ENPP1: variants seen among roughly 807,000 people sequenced by gnomAD.
ENPP1 encodes ectonucleotide pyrophosphatase/phosphodiesterase 1.
A neutral mutation model predicts 122.8 loss-of-function variants in ENPP1; 73 were observed. The ratio of observed to expected loss-of-function variants is 0.59; its 90% CI spans 0.49 to 0.72. The LOEUF (loss-of-function observed/expected upper bound fraction) is 0.72, where lower values mean the gene tolerates loss of function less well. Ranked by LOEUF, ENPP1 falls within the 30% of genes least tolerant of loss-of-function variation. The pLI is 0.00. For synonymous variants in ENPP1, 367 were observed against 391.6 expected (o/e 0.94, Z 0.74); for missense variants, 978 against 1,128.1 (o/e 0.87, Z 1.91).
chr6:131,864,267 C>A (rs764430034), intron 9 of ENPP1, among the ~76,000 whole-genome samples: 8 of 152,156 alleles, frequency 5.3e-5, no homozygotes, highest in Admixed American at 1.3e-4. Context: ...TGAATATTAT[C>A]CTCAAGTAGA....
chr6:131,882,889 T>G lies in ENPP1; in HGVS notation c.2230+415T>G, dbSNP rs188109400. On this transcript the variant is annotated intron_variant, in intron 21 of 24. Coordinates refer to ENST00000647893, the MANE Select transcript of ENPP1 (RefSeq NM_006208.3). Reference sequence around the variant, plus strand: ...ATATTGTGAAGGTGGAATATATATATCAAGTTGGAAGAATATATCAAGGTT... The same window carrying G: ...ATATTGTGAAGGTGGAATATATATAGCAAGTTGGAAGAATATATCAAGGTT... Among the ~76,000 whole-genome samples, 12 of 152,066 alleles carry G rather than the reference T, an allele frequency of 7.9e-5. No homozygotes were observed. In the East Asian group the frequency reaches 2.1e-3, roughly 27 times the overall value.
At chr6:131,857,746 C>T (rs531736029) in intron 6 of ENPP1, among the ~76,000 whole-genome samples, 2 of 152,260 alleles carry the variant, frequency 1.3e-5, no homozygotes, top group African/African-American at 4.8e-5. Context: ...CACATGTATA[C>T]ATATGTAACT....
intron 24 of ENPP1, among the ~76,000 whole-genome samples, chr6:131,887,256 AT>A (rs1782392390): frequency 6.6e-6 from 1 of 152,212 alleles, no homozygotes; most frequent in Admixed American, 6.5e-5. Flanking sequence ...TCACTTAATT[AT>A]AAAAAATCTT....
In ENPP1 at chr6:131,855,010, T is replaced by C. The variant is rs1303274717; in HGVS notation, c.702T>C (p.Val234=). Residue 234 remains valine (V), a synonymous_variant, in exon 6 of 25, where the codon GTT becomes GTC. Coordinates refer to ENST00000647893, the MANE Select transcript of ENPP1 (RefSeq NM_006208.3). The part of the protein sequence containing the change: ...YLHTWGGLLP[V]ISKLKKCGTY... ...ACACTTGGGGTGGACTTCTTCCTGT[T>C]ATTAGCAAACTAAGTGAGTAACTTC... is the stretch of plus-strand genomic sequence containing the variant. The C allele has an allele frequency of 1.9e-6, 3 of 1,607,682 alleles. No homozygotes were observed. The highest frequency in any genetic ancestry group is 2.6e-6 in the Non-Finnish European group (3 of 1,174,196).
intron 5 of ENPP1, among the ~76,000 whole-genome samples, chr6:131,853,707 G>A (rs1781908512): frequency 6.6e-6 from 1 of 152,100 alleles, no homozygotes; most frequent in Non-Finnish European, 1.5e-5. Context: ...AGTTGAAAAG[G>A]CAAGGTAAGG....
rs1782182871 is a variant in ENPP1 at position 131,873,058 on chromosome 6, C to T, written c.1565+8C>T. 6.2e-7 allele frequency: 1 copy of T among 1,613,402 alleles called. No homozygotes were observed. The stretch of plus-strand genomic sequence containing the variant: ...TCAGTGGCAACTTGCATTGTAAGTT[C>T]TGACAGTCTCCCAGGTAAACTTAGT... On this transcript the variant is annotated splice_region_variant and intron_variant, in intron 15 of 24. Coordinates refer to ENST00000647893, the MANE Select transcript of ENPP1 (RefSeq NM_006208.3).
Position 131,864,500 on chromosome 6 carries a change from T to C in ENPP1, c.1026-6T>C. On this transcript the variant is annotated splice_region_variant and splice_polypyrimidine_tract_variant and intron_variant, in intron 9 of 24. Coordinates refer to ENST00000647893, the MANE Select transcript of ENPP1 (RefSeq NM_006208.3). ...ATCTTTTATTTTTGTTTGTTCTTCA[T>C]TTTAGTTCAGTACCATTTGAAGAAA... The C allele has an allele frequency of 1.3e-6, 2 of 1,591,618 alleles. No individual in the cohort carries two copies. The highest frequency in any genetic ancestry group is 1.7e-6 in the Non-Finnish European group (2 of 1,160,024).
At chr6:131,860,877 G>A (rs903000811) in intron 8 of ENPP1, among the ~76,000 whole-genome samples, 20 of 152,036 alleles carry the variant, frequency 1.3e-4, no homozygotes, top group African/African-American at 4.3e-4. Context: ...CTTTCCAATT[G>A]TGATCTCCAA....
chr6:131,848,853 T>C (rs1781845870), intron 2 of ENPP1, among the ~76,000 whole-genome samples: 1 of 152,166 alleles, frequency 6.6e-6, no homozygotes, highest in Non-Finnish European at 1.5e-5. Context: ...GTCAGGAAAG[T>C]TCGTATTTCT....
chr6:131,815,043 G>C lies in ENPP1; in HGVS notation c.240+6768G>C, dbSNP rs186148108. Among the ~76,000 whole-genome samples the C allele has an allele frequency of 3.2e-3, 489 of 152,332 alleles. 10 individuals are homozygous for C. The highest frequency in any genetic ancestry group is 0.03 in the Admixed American group (457 of 15,298). On this transcript the variant is annotated intron_variant, in intron 1 of 24. Transcript: ENST00000647893. ...TGTGATGGTCAGGAATCCACATAGA[G>C]ATGACACTTGGGTATAAATTCAGGG...
intron 13 of ENPP1, 143 bp from the exon 14 acceptor site, chr6:131,871,927 A>G (rs777695566): frequency 3.4e-5 from 23 of 685,308 alleles, no homozygotes; most frequent in African/African-American, 5.4e-5. Flanking sequence ...TTCAGTGGCT[A>G]CAATGTAATG....
chr6:131,850,962 C>T (rs1368954255), intron 3 of ENPP1, among the ~76,000 whole-genome samples, 180 bp from the exon 4 acceptor site: 1 of 152,180 alleles, frequency 6.6e-6, no homozygotes, highest in Non-Finnish European at 1.5e-5. Flanking sequence ...TTGGTTCCTA[C>T]ATATTTTACC....
intron 1 of ENPP1, chr6:131,828,092 C>A: frequency 1.6e-6 from 1 of 615,126 alleles, no homozygotes. Context: ...TTTCTCGTAA[C>A]AGACAGCGTT....
rs1471420053 is a variant in ENPP1, at chr6:131,893,909, C to A, written c.*3398C>A. 1 of 138,004 alleles carries A rather than the reference C, an allele frequency of 7.2e-6. No individual in the cohort carries two copies. Among genetic ancestry groups the A allele is most frequent in the East Asian group, 2.2e-4 (1 of 4,552 alleles). The allele number at this position is 138,004 out of a possible 1,614,324, so 8.5% of individuals were successfully genotyped here. ...TTTCTCCAATAAAGGCTGTTCTTAG[C>A]TTTTCAAATGCAAAGTGAAACCTTT... On this transcript the variant is annotated 3_prime_UTR_variant, in exon 25 of 25. Transcript: ENST00000647893.
At chr6:131,869,295 G>T (rs1268961994) in intron 12 of ENPP1, 63 bp from the exon 13 acceptor site, 14 of 1,531,982 alleles carry the variant, frequency 9.1e-6, no homozygotes, top group Non-Finnish European at 1.3e-5. Context: ...AAGAAGTTCT[G>T]CTCTGCATAT....
intron 1 of ENPP1, among the ~76,000 whole-genome samples, chr6:131,816,294 G>A (rs1324521570): frequency 1.3e-5 from 2 of 151,910 alleles, no homozygotes; most frequent in East Asian, 3.9e-4. Flanking sequence ...GAACAAATAA[G>A]CATTTGGAAT....
In ENPP1 at chr6:131,890,551, G is replaced by A; in HGVS notation, c.*40G>A. ...CCAAACACCATGAATCTTTTTGAGA[G>A]AACCTTATATTTTATATAGTCCTCT... On this transcript the variant is annotated 3_prime_UTR_variant, in exon 25 of 25. Transcript: ENST00000647893. 6.5e-7 allele frequency: 1 copy of A among 1,530,090 alleles called. No individual in the cohort carries two copies. The highest frequency in any genetic ancestry group is 9.1e-7 in the Non-Finnish European group (1 of 1,103,804). The allele number at this position is 1,530,090 out of a possible 1,614,324, so 94.8% of individuals were successfully genotyped here. A position where few individuals can be genotyped will look rare whatever the true frequency, so the allele number is the denominator to read the frequency against.
intron 11 of ENPP1, among the ~76,000 whole-genome samples, chr6:131,866,085 G>A (rs1433394098): frequency 1.3e-5 from 2 of 151,978 alleles, no homozygotes; most frequent in Non-Finnish European, 2.9e-5. Context: ...TTTTGTTGGT[G>A]ACCTAAGATA....
Position 131,875,829 on chromosome 6 carries a change from CT to C in ENPP1, c.1692del (p.Phe564LeufsTer9). 6.2e-7 allele frequency: 1 copy of C among 1,614,020 alleles called. No homozygotes were observed. The highest frequency in any genetic ancestry group is 8.5e-7 in the Non-Finnish European group (1 of 1,179,890). On this transcript the variant is annotated frameshift_variant, in exon 17 of 25. Transcript: ENST00000647893. LOFTEE classifies it high-confidence loss of function. ...TCAAGCATGGCATTGAGGCTGACAC[CT>C]TTGAAAACATTGAAGTCTATAACTT... ...GFKHGIEADT[F>X]ENIEVYNLMC...
Sources: gnomAD v4.1 joint callset for allele counts (sites outside exome capture counted in the v4.1 genomes callset) on GRCh38, gnomAD v4.1.1 for gene constraint, MANE v1.5 for transcripts, NCBI Gene and HGNC (gene_info 2026-07-23, HGNC 2026-07-21) for gene names.